FUT8: variants seen among roughly 807,000 people sequenced by gnomAD.
The protein encoded by FUT8 is fucosyltransferase 8, also known as alpha-(1,6)-fucosyltransferase.
In FUT8, 29 loss-of-function variants were observed where a neutral mutation model predicts 71.3. That is an observed-to-expected ratio of 0.41 (90% CI 0.30 to 0.55). FUT8 has a LOEUF of 0.55. Ranked by LOEUF, FUT8 falls within the 20% of genes least tolerant of loss-of-function variation. The pLI, the probability that FUT8 is intolerant of heterozygous loss-of-function variation, is 0.34. For synonymous variants in FUT8, 254 were observed against 239.3 expected (o/e 1.06, Z -0.57); for missense variants, 544 against 702.1 (o/e 0.77, Z 2.55).
upstream of FUT8, among the ~76,000 whole-genome samples, chr14:65,406,589 G>A (rs1205819887): frequency 4.6e-5 from 7 of 152,122 alleles, no homozygotes; most frequent in Admixed American, 3.9e-4. Context: ...AGGCTGGAGT[G>A]CAGTAGCATA....
chr14:65,365,655 G>C, the FUT8 span, among the ~76,000 whole-genome samples: 2 of 152,024 alleles, frequency 1.3e-5, no homozygotes, highest in Non-Finnish European at 2.9e-5. Flanking sequence ...TCCCACCAGC[G>C]CCATGACAGT....
At chr14:65,501,955 G>A (rs2898819) in intron 2 of FUT8, among the ~76,000 whole-genome samples, 9,175 of 151,290 alleles carry the variant, frequency 0.061, 484 homozygotes, top group South Asian at 0.19. Flanking sequence ...CTGATGCCCA[G>A]GCTGGAATAT....
chr14:65,451,318 C>T (rs139749804), intron 1 of FUT8, among the ~76,000 whole-genome samples: 3 of 152,352 alleles, frequency 2.0e-5, no homozygotes, highest in Non-Finnish European at 2.9e-5. Context: ...GGAGGGAGTG[C>T]GCATATGAGT....
intron 6 of FUT8, among the ~76,000 whole-genome samples, chr14:65,636,041 A>G (rs952451956): frequency 2.6e-5 from 4 of 151,774 alleles, no homozygotes; most frequent in African/African-American, 9.7e-5. Flanking sequence ...TGTTCAGGGT[A>G]TCTAATTCTT....
intron 6 of FUT8, among the ~76,000 whole-genome samples, chr14:65,659,880 A>G (rs1180855828): frequency 1.3e-5 from 2 of 152,270 alleles, no homozygotes; most frequent in South Asian, 2.1e-4. Flanking sequence ...GGACCTTTCT[A>G]AAATTCAATC....
At chr14:65,522,734 C>T (rs998501291) in intron 2 of FUT8, among the ~76,000 whole-genome samples, 8 of 137,006 alleles carry the variant, frequency 5.8e-5, no homozygotes, top group Admixed American at 1.5e-4. Flanking sequence ...CCCCCCACCC[C>T]GCAACAGGCC....
At position 65,669,821 on chromosome 14, in the gene FUT8, A is replaced by T. The variant is rs556791849; in HGVS notation, c.835+341A>T. ...TTTAATATGAAGTAATCATCATATA[A>T]AGTAGTCCAGTTTATATGGACTACT... On this transcript the variant is annotated intron_variant, in intron 7 of 10. Coordinates refer to ENST00000673929, the MANE Select transcript of FUT8 (RefSeq NM_001371533.1). The surrounding 1 kb of genome is among the most constrained non-coding windows in gnomAD (Gnocchi z 4.5). Among the ~76,000 whole-genome samples the T allele has an allele frequency of 6.6e-5, 10 of 152,288 alleles. No homozygotes were observed. Among genetic ancestry groups the T allele is most frequent in the African/African-American group, 2.4e-4 (10 of 41,552 alleles).
At chr14:65,429,726 G>C (rs1012991501) in intron 1 of FUT8, among the ~76,000 whole-genome samples, 56 of 152,008 alleles carry the variant, frequency 3.7e-4, no homozygotes, top group African/African-American at 1.1e-3. Context: ...AGCCGGGTGT[G>C]GTGGTGTGTG....
rs901045775 is a variant in FUT8 at position 65,467,444 on chromosome 14, C to T, written c.-228+11726C>T. Among the ~76,000 whole-genome samples, 1 of 151,492 alleles carries T rather than the reference C, an allele frequency of 6.6e-6. No individual in the cohort carries two copies. The highest frequency in any genetic ancestry group is 1.5e-5 in the Non-Finnish European group (1 of 67,852). ...TCCTAAGTAGCTGGGACTACAGGTG[C>T]GCACCACCACACCTGGCTAATTTTT... On this transcript the variant is annotated intron_variant, in intron 2 of 10. Transcript: ENST00000673929. The surrounding 1 kb of genome is among the most constrained non-coding windows in gnomAD (Gnocchi z 4.1).
chr14:65,476,730 C>T (rs1004667666), intron 2 of FUT8, among the ~76,000 whole-genome samples: 6 of 146,364 alleles, frequency 4.1e-5, no homozygotes, highest in Non-Finnish European at 8.9e-5. Flanking sequence ...TATCATAGCT[C>T]ACTGCAATCT....
At chr14:65,479,588 C>CT (rs2066298303) in intron 2 of FUT8, 4 of 151,232 alleles carry the variant, frequency 2.6e-5, no homozygotes, top group African/African-American at 7.4e-5. Flanking sequence ...CCTACTTCCA[C>CT]TTTCTCCCGT....
At chr14:65,359,496 C>G in the FUT8 span, among the ~76,000 whole-genome samples, 1 of 114,996 alleles carries the variant, frequency 8.7e-6, no homozygotes, top group Non-Finnish European at 2.2e-5. Context: ...AACACAAACT[C>G]TCCATTCTCC....
chr14:65,477,009 C>T (rs1341731405), intron 2 of FUT8, among the ~76,000 whole-genome samples: 2 of 152,108 alleles, frequency 1.3e-5, no homozygotes, highest in African/African-American at 2.4e-5. Context: ...GTAAGTCAAC[C>T]TAAATGTAAA....
chr14:65,666,411 A>G (rs778506167), intron 6 of FUT8, among the ~76,000 whole-genome samples: 1 of 152,180 alleles, frequency 6.6e-6, no homozygotes, highest in Non-Finnish European at 1.5e-5. Context: ...ACACTCTGTG[A>G]ACACAAATTA....
intron 2 of FUT8, among the ~76,000 whole-genome samples, chr14:65,501,996 G>C (rs118118995): frequency 6.6e-6 from 1 of 150,888 alleles, no homozygotes; most frequent in Non-Finnish European, 1.5e-5. Context: ...CTGTAGTCCC[G>C]AGCTCCCAAA....
intron 3 of FUT8, among the ~76,000 whole-genome samples, chr14:65,589,890 G>T (rs1045780654): frequency 6.6e-6 from 1 of 152,142 alleles, no homozygotes; most frequent in Non-Finnish European, 1.5e-5. Context: ...AAAAGATGAT[G>T]CATAGACATG....
rs554194000 is a variant in FUT8, at chr14:65,716,737, C to T, written c.836-5038C>T. On this transcript the variant is annotated intron_variant, in intron 7 of 10. Coordinates refer to ENST00000673929, the MANE Select transcript of FUT8 (RefSeq NM_001371533.1). Reference sequence around the variant, plus strand: ...ATCATCATGGCCTGTTCTCGATGGTCGCTGTCTCTTTGGAGCTGTTGGGTA... The same window carrying T: ...ATCATCATGGCCTGTTCTCGATGGTTGCTGTCTCTTTGGAGCTGTTGGGTA... Among the ~76,000 whole-genome samples, 49 of 152,266 alleles carry T rather than the reference C, an allele frequency of 3.2e-4. 1 individual carries two copies. In the South Asian group the frequency reaches 9.5e-3, roughly 30 times the overall value.
At chr14:65,421,194 GAA>G (rs61617981) in intron 1 of FUT8, among the ~76,000 whole-genome samples, 5,518 of 94,838 alleles carry the variant, frequency 0.058, 148 homozygotes, top group South Asian at 0.066. Context: ...TCCATCTCAG[GAA>G]AAAAAAAAAA....
intron 7 of FUT8, among the ~76,000 whole-genome samples, chr14:65,700,717 G>GA (rs1179229643): frequency 6.6e-6 from 1 of 152,106 alleles, no homozygotes; most frequent in Non-Finnish European, 1.5e-5. Flanking sequence ...TACTTTCAAT[G>GA]AAAGGGTCCT....
Sources: gnomAD v4.1 joint callset for allele counts (sites outside exome capture counted in the v4.1 genomes callset) on GRCh38, gnomAD v4.1.1 for gene constraint, Gnocchi (gnomAD v3.1) non-coding constraint, MANE v1.5 for transcripts, NCBI Gene and HGNC (gene_info 2026-07-23, HGNC 2026-07-21) for gene names.